The following MTHFD2L variants were observed in gnomAD, a reference collection of about 807,000 sequenced individuals.
MTHFD2L encodes methylenetetrahydrofolate dehydrogenase (NADP+ dependent) 2 like.
Under a neutral mutation model 34.9 loss-of-function variants are expected in MTHFD2L, and 29 were observed. The ratio of observed to expected loss-of-function variants is 0.83; its 90% CI spans 0.62 to 1.13. MTHFD2L has a LOEUF of 1.13. MTHFD2L is among the 50% of genes most tolerant of loss of function. MTHFD2L has a pLI of 0.00. For synonymous variants in MTHFD2L, 167 were observed against 155.7 expected (o/e 1.07, Z -0.54); for missense variants, 481 against 446.5 (o/e 1.08, Z -0.70).
chr4:74,138,705 G>A (rs1329862798), intron 1 of MTHFD2L, among the ~76,000 whole-genome samples: 1 of 152,158 alleles, frequency 6.6e-6, no homozygotes, highest in African/African-American at 2.4e-5. Context: ...TGGATGGTGA[G>A]CAAAAGCTCA....
At chr4:74,145,211 C>T (rs552699771) in intron 1 of MTHFD2L, among the ~76,000 whole-genome samples, 3 of 150,230 alleles carry the variant, frequency 2.0e-5, no homozygotes, top group Admixed American at 1.3e-4. Context: ...TTTGCATCCT[C>T]GAATTCAACC....
At chr4:74,201,626 G>T (rs1734453191) in intron 5 of MTHFD2L, among the ~76,000 whole-genome samples, 1 of 149,344 alleles carries the variant, frequency 6.7e-6, no homozygotes, top group Non-Finnish European at 1.5e-5. Context: ...TAGACATTAA[G>T]AAAGGTGCAA....
At chr4:74,134,158 G>A (rs549089213) in intron 1 of MTHFD2L, among the ~76,000 whole-genome samples, 43 of 152,274 alleles carry the variant, frequency 2.8e-4, no homozygotes, top group African/African-American at 9.6e-4. Context: ...ACCACAGGTA[G>A]CACTGTGACT....
intron 7 of MTHFD2L, among the ~76,000 whole-genome samples, chr4:74,294,020 G>A (rs1030788060): frequency 6.6e-6 from 1 of 152,086 alleles, no homozygotes; most frequent in Non-Finnish European, 1.5e-5. Flanking sequence ...TTGGGGGAGG[G>A]AGTTGACTTT....
intron 1 of MTHFD2L, among the ~76,000 whole-genome samples, chr4:74,172,616 C>G (rs1185167121): frequency 6.6e-6 from 1 of 152,152 alleles, no homozygotes; most frequent in East Asian, 1.9e-4. Context: ...ACACAAGAAT[C>G]ACATGTAGGA....
chr4:74,176,338 A>T (rs746052691), intron 3 of MTHFD2L, among the ~76,000 whole-genome samples: 1 of 152,048 alleles, frequency 6.6e-6, no homozygotes, highest in Non-Finnish European at 1.5e-5. Flanking sequence ...CATAAGACTT[A>T]CCTTCGCTTC....
At chr4:74,162,492 T>G (rs1015963261) in intron 1 of MTHFD2L, among the ~76,000 whole-genome samples, 38 of 150,396 alleles carry the variant, frequency 2.5e-4, no homozygotes, top group Admixed American at 1.3e-3. Flanking sequence ...TTACAACAGA[T>G]GTTCTCTCCC....
At chr4:74,266,964 G>A (rs1745355908) in intron 6 of MTHFD2L, 3 of 985,288 alleles carry the variant, frequency 3.0e-6, no homozygotes, top group Non-Finnish European at 3.6e-6. Flanking sequence ...GAAAGAAATT[G>A]GACTAATTGG....
rs974267642 is a variant in MTHFD2L at position 74,225,198 on chromosome 4, G to A, written c.713-104G>A. ...AAAGTGATTTAGTCATGTCAAAGTA[G>A]CCTTTCTATTCTTAGGAAATAAGTG... is the stretch of plus-strand genomic sequence containing the variant. On this transcript the variant is annotated intron_variant, in intron 5 of 7. Transcript: ENST00000325278. 6 of 858,216 alleles carry A rather than the reference G, an allele frequency of 7.0e-6. No individual in the cohort carries two copies. The East Asian group carries it at 1.0e-4, about 14-fold the overall frequency. The allele number at this position is 858,216 out of a possible 1,614,324, so 53.2% of individuals were successfully genotyped here.
At chr4:74,134,195 G>C (rs1311153363) in intron 1 of MTHFD2L, among the ~76,000 whole-genome samples, 1 of 152,144 alleles carries the variant, frequency 6.6e-6, no homozygotes, top group Non-Finnish European at 1.5e-5. Context: ...GTCTGTGAAG[G>C]CTGGCAAAGA....
intron 5 of MTHFD2L, among the ~76,000 whole-genome samples, chr4:74,219,542 G>T (rs764852888): frequency 6.6e-6 from 1 of 152,058 alleles, no homozygotes; most frequent in South Asian, 2.1e-4. Context: ...ATTAATGGAC[G>T]ATAAGAATTG....
Position 74,281,414 on chromosome 4 carries a change from T to C in MTHFD2L, c.806-11T>C. The C allele has an allele frequency of 6.2e-7, 1 of 1,609,544 alleles. No homozygotes were observed. Among genetic ancestry groups the C allele is most frequent in the Non-Finnish European group, 8.5e-7 (1 of 1,178,074 alleles). ...TTATGCTGAAGGACAAACAACTCTT[T>C]TTGTTTTCAGGTATTCCAAAGTTGA... On this transcript the variant is annotated splice_polypyrimidine_tract_variant and intron_variant, in intron 6 of 7. Coordinates refer to ENST00000325278, the MANE Select transcript of MTHFD2L (RefSeq NM_001144978.3).
chr4:74,250,173 C>G (rs1743100590), intron 6 of MTHFD2L, among the ~76,000 whole-genome samples: 1 of 152,060 alleles, frequency 6.6e-6, no homozygotes, highest in Non-Finnish European at 1.5e-5. Context: ...AGGCTTTGTT[C>G]ATTTCTTTTT....
At chr4:74,137,484 G>A (rs1005689435) in intron 1 of MTHFD2L, among the ~76,000 whole-genome samples, 11 of 152,198 alleles carry the variant, frequency 7.2e-5, no homozygotes, top group East Asian at 1.9e-4. Flanking sequence ...CGGCAAGGAT[G>A]TGGAGAAAGG....
chr4:74,245,289 C>G (rs1560525663), intron 6 of MTHFD2L, among the ~76,000 whole-genome samples: 1 of 139,800 alleles, frequency 7.2e-6, no homozygotes, highest in Non-Finnish European at 1.6e-5. Context: ...GCCTTTTATT[C>G]TTATTTTTTA....
intron 6 of MTHFD2L, among the ~76,000 whole-genome samples, chr4:74,261,750 G>T (rs1029952741): frequency 6.6e-6 from 1 of 151,996 alleles, no homozygotes; most frequent in African/African-American, 2.4e-5. Context: ...AAGAAAAAGC[G>T]TAAGAAGACT....
intron 3 of MTHFD2L, among the ~76,000 whole-genome samples, chr4:74,177,090 T>G (rs1729191375): frequency 1.3e-5 from 2 of 151,900 alleles, no homozygotes; most frequent in African/African-American, 2.4e-5. Context: ...CTGAGAAAAA[T>G]GCTCTGGCAG....
chr4:74,174,976 C>T (rs1329116744), intron 2 of MTHFD2L, among the ~76,000 whole-genome samples: 3 of 152,058 alleles, frequency 2.0e-5, no homozygotes, highest in African/African-American at 7.2e-5. Flanking sequence ...AAATAATAAA[C>T]CTGGCTTGTT....
At chr4:74,181,978 A>T (rs1730261826) in intron 3 of MTHFD2L, among the ~76,000 whole-genome samples, 1 of 152,172 alleles carries the variant, frequency 6.6e-6, no homozygotes, top group Non-Finnish European at 1.5e-5. Flanking sequence ...AAATTATCAA[A>T]TTTATGTATC....
Sources: allele counts gnomAD v4.1 joint callset (sites outside exome capture counted in the v4.1 genomes callset), GRCh38; gene constraint gnomAD v4.1.1; transcripts MANE v1.5; gene names NCBI Gene and HGNC (gene_info 2026-07-23, HGNC 2026-07-21).